The following SMIM23 variants were observed in gnomAD, a reference collection of about 807,000 sequenced individuals.
SMIM23 encodes CTB-78H18.1.
SMIM23 carries 10 observed loss-of-function variants against 12.8 expected under a neutral mutation model. The ratio of observed to expected loss-of-function variants is 0.78; its 90% confidence interval spans 0.48 to 1.32. SMIM23 has a LOEUF of 1.32. Ranked by LOEUF, SMIM23 falls within the 40% of genes most tolerant of loss-of-function variation. The pLI is 0.00. For synonymous variants in SMIM23, 78 were observed against 80.1 expected (o/e 0.97, Z 0.14); for missense variants, 184 against 198.2 (o/e 0.93, Z 0.43).
the SMIM23 span, chr5:171,773,905 C>T: frequency 2.2e-6 from 1 of 452,226 alleles, no homozygotes; most frequent in African/African-American, 2.0e-5. Flanking sequence ...AAGAGACATC[C>T]CTGTGGTTGG....
At chr5:171,781,664 A>G (rs969114091), upstream of SMIM23, among the ~76,000 whole-genome samples, 17 of 152,264 alleles carry the variant, frequency 1.1e-4, no homozygotes, top group Non-Finnish European at 2.2e-4. Flanking sequence ...TAGCTGCTTT[A>G]GTAATAATAA....
intron 3 of SMIM23, 24 bp downstream of exon 3, chr5:171,790,573 A>C: frequency 6.5e-7 from 1 of 1,533,912 alleles, no homozygotes; most frequent in Admixed American, 2.0e-5. Flanking sequence ...CAAGGTACTG[A>C]GGTGAGGCAA....
chr5:171,781,375 A>G (rs1317990376), upstream of SMIM23, among the ~76,000 whole-genome samples: 2 of 152,218 alleles, frequency 1.3e-5, no homozygotes, highest in Non-Finnish European at 2.9e-5. Flanking sequence ...GTTCATTTGC[A>G]TAATAAGATT....
chr5:171,787,496 C>T (rs373234949), intron 1 of SMIM23, among the ~76,000 whole-genome samples: 1 of 152,056 alleles, frequency 6.6e-6, no homozygotes, highest in East Asian at 1.9e-4. Flanking sequence ...GCAAGAATGC[C>T]GGGGAAGAAA....
At chr5:171,775,231 T>C in the SMIM23 span, among the ~76,000 whole-genome samples, 1 of 152,144 alleles carries the variant, frequency 6.6e-6, no homozygotes, top group Non-Finnish European at 1.5e-5. Flanking sequence ...CCACCTTCTT[T>C]CCTCAAATTC....
At chr5:171,780,533 CT>C (rs1029064439), upstream of SMIM23, among the ~76,000 whole-genome samples, 5 of 152,126 alleles carry the variant, frequency 3.3e-5, no homozygotes, top group Admixed American at 2.6e-4. Context: ...TAATTCATTA[CT>C]TTTTTTGTGT....
upstream of SMIM23, among the ~76,000 whole-genome samples, chr5:171,780,775 G>A (rs571792144): frequency 1.8e-3 from 271 of 152,230 alleles, no homozygotes; most frequent in African/African-American, 6.2e-3. Context: ...AGAGACTTGA[G>A]TTCGGTACCT....
intron 1 of SMIM23, among the ~76,000 whole-genome samples, chr5:171,788,815 G>C (rs1412809898): frequency 6.6e-6 from 1 of 152,168 alleles, no homozygotes; most frequent in Admixed American, 6.5e-5. Flanking sequence ...ACAAAATCTT[G>C]ATACCAAAAC....
the SMIM23 span, among the ~76,000 whole-genome samples, chr5:171,776,134 G>T: frequency 1.3e-5 from 2 of 152,200 alleles, no homozygotes; most frequent in Non-Finnish European, 2.9e-5. Context: ...GCCTCCCAAA[G>T]TGCTGGGATT....
At chr5:171,775,663 A>G in the SMIM23 span, among the ~76,000 whole-genome samples, 2 of 152,148 alleles carry the variant, frequency 1.3e-5, no homozygotes, top group South Asian at 2.1e-4. Context: ...TCAGTTTTCT[A>G]TCTGTAAAGC....
chr5:171,787,568 G>A (rs934854191), intron 1 of SMIM23, among the ~76,000 whole-genome samples: 5 of 152,184 alleles, frequency 3.3e-5, no homozygotes, highest in East Asian at 1.9e-4. Flanking sequence ...TCCAGGCCAC[G>A]AAAACTCATC....
chr5:171,790,739 G>A, intron 3 of SMIM23, 56 bp from the exon 4 acceptor site: 1 of 1,524,256 alleles, frequency 6.6e-7, no homozygotes, highest in Non-Finnish European at 8.8e-7. Context: ...GTGGGGATGG[G>A]GAGGAGGGTC....
chr5:171,773,201 G>A, the SMIM23 span, among the ~76,000 whole-genome samples: 1 of 152,162 alleles, frequency 6.6e-6, no homozygotes. Flanking sequence ...TCTTGAGTCC[G>A]ACTTTCCTCA....
chr5:171,779,937 T>C (rs148951070), upstream of SMIM23, among the ~76,000 whole-genome samples: 526 of 152,182 alleles, frequency 3.5e-3, 1 homozygote, highest in African/African-American at 0.012. Flanking sequence ...TTAGTTCATC[T>C]CGTTTAGCGC....
At chr5:171,778,938 C>A (rs1366293920), upstream of SMIM23, among the ~76,000 whole-genome samples, 1 of 152,136 alleles carries the variant, frequency 6.6e-6, no homozygotes, top group Non-Finnish European at 1.5e-5. Context: ...CCATCAAATT[C>A]AGGAGGTCCC....
Position 171,786,419 on chromosome 5 carries a change from C to G in SMIM23, c.105+443C>G, listed in dbSNP as rs191521345. On this transcript the variant is annotated intron_variant, in intron 1 of 3. Coordinates refer to ENST00000523047, the MANE Select transcript of SMIM23 (RefSeq NM_001289970.2). ...CTGCACACAGCCTGGTGCATCCACA[C>G]CCCATCTCTTAGATGCTATCAACCT... 9.8e-5 allele frequency among the ~76,000 whole-genome samples: 15 copies of G among 152,294 alleles called. No homozygotes were observed. The East Asian group carries it at 2.9e-3, about 29-fold the overall frequency.
At chr5:171,789,958 A>T (rs998459813) in intron 1 of SMIM23, among the ~76,000 whole-genome samples, 1 of 152,284 alleles carries the variant, frequency 6.6e-6, no homozygotes, top group African/African-American at 2.4e-5. Context: ...TACCACAATG[A>T]AGTTGATTCC....
Position 171,785,855 on chromosome 5 carries a change from C to A in SMIM23, c.-17C>A, listed in dbSNP as rs769245154. The A allele has an allele frequency of 3.9e-6, 6 of 1,532,742 alleles. 1 individual carries two copies. The South Asian group carries it at 6.0e-5, about 15-fold the overall frequency. 94.9% of individuals were successfully genotyped at this position (1,532,742 alleles called of 1,614,324 possible). ...GTCTGTTGAGTGTGGTCCACCCAGG[C>A]AGCCAGATCTGAGGCCATGGCAACC... On this transcript the variant is annotated 5_prime_UTR_variant, in exon 1 of 4. Transcript: ENST00000523047.
chr5:171,779,217 C>T (rs571172352), upstream of SMIM23, among the ~76,000 whole-genome samples: 1 of 152,198 alleles, frequency 6.6e-6, no homozygotes, highest in Non-Finnish European at 1.5e-5. Flanking sequence ...TCTTACTTCT[C>T]TTGAAAATAA....
Sources: gnomAD v4.1 joint callset for allele counts (sites outside exome capture counted in the v4.1 genomes callset) on GRCh38, gnomAD v4.1.1 for gene constraint, MANE v1.5 for transcripts, NCBI Gene and HGNC (gene_info 2026-07-23, HGNC 2026-07-21) for gene names.